The following DCAF17 variants were observed in gnomAD, a reference collection of about 807,000 sequenced individuals.
DCAF17 encodes the protein DDB1 and CUL4 associated factor 17.
A neutral mutation model predicts 66.0 loss-of-function variants in DCAF17; 48 were observed. The observed-to-expected ratio is 0.73, with a 90% confidence interval of 0.58 to 0.92. DCAF17 has a LOEUF of 0.92. Ranked by LOEUF, DCAF17 falls within the 40% of genes least tolerant of loss-of-function variation. DCAF17 has a pLI of 0.00. For missense variants in DCAF17, 562 were observed against 622.8 expected (o/e 0.90, Z 1.04); for synonymous variants, 206 against 214.6 (o/e 0.96, Z 0.35).
In DCAF17 at chr2:171,480,327, A is replaced by G; in HGVS notation, c.1422+134A>G. 1.2e-5 allele frequency: 13 copies of G among 1,112,188 alleles called. 1 individual carries two copies. The highest frequency in any genetic ancestry group is 1.4e-5 in the Non-Finnish European group (11 of 767,960). The allele number at this position is 1,112,188 out of a possible 1,614,324, so 68.9% of individuals were successfully genotyped here. ...GACCATGTGAAAGAGGTTTTGTCCT[A>G]TATACAGGACAAAAGAGTACTTCTT... On this transcript the variant is annotated intron_variant, in intron 13 of 13. Coordinates refer to ENST00000375255, the MANE Select transcript of DCAF17 (RefSeq NM_025000.4).
Position 171,443,697 on chromosome 2 carries a change from A to G in DCAF17, c.321+84A>G, listed in dbSNP as rs960185811. On this transcript the variant is annotated intron_variant, in intron 3 of 13. Transcript: ENST00000375255. ...TATTATTAACATATTGCATAAAATA[A>G]TACAACTTAAATATCATAGTGACTC... 7.4e-6 allele frequency: 8 copies of G among 1,083,256 alleles called. No individual in the cohort carries two copies. In the African/African-American group the frequency reaches 7.8e-5, roughly 11 times the overall value. The allele number at this position is 1,083,256 out of a possible 1,614,324, so 67.1% of individuals were successfully genotyped here. A position where few individuals can be genotyped will look rare whatever the true frequency, so the allele number is the denominator to read the frequency against.
intron 8 of DCAF17, among the ~76,000 whole-genome samples, chr2:171,461,835 C>G (rs1023938852): frequency 6.9e-6 from 1 of 145,208 alleles, no homozygotes; most frequent in African/African-American, 2.4e-5. Context: ...CAGCCCTAGG[C>G]AACCAGTGAT....
chr2:171,458,589 C>A, intron 8 of DCAF17, 112 bp downstream of exon 8: 1 of 816,812 alleles, frequency 1.2e-6, no homozygotes, highest in South Asian at 1.6e-5. Flanking sequence ...AAACTCAATT[C>A]ATTTTACTCC....
At chr2:171,440,203 G>C (rs1295904217) in intron 2 of DCAF17, among the ~76,000 whole-genome samples, 2 of 152,148 alleles carry the variant, frequency 1.3e-5, no homozygotes, top group Non-Finnish European at 2.9e-5. Context: ...TCTGATGTTT[G>C]TTTTGTTTCT....
intron 1 of DCAF17, 90 bp downstream of exon 1, chr2:171,434,793 C>A (rs989321722): frequency 2.2e-6 from 3 of 1,386,932 alleles, no homozygotes; most frequent in Non-Finnish European, 1.9e-6. Context: ...CGCGCTGGGG[C>A]CTCCCTTTAT....
In DCAF17 at chr2:171,482,772, A is replaced by G; in HGVS notation, c.*1658A>G. ...ACTCGTCTATTCTGAAAGGCATTTGAGAAATAGCTGAATTCCTGGCTGCTT... is the reference window on the plus strand; with the variant it reads ...ACTCGTCTATTCTGAAAGGCATTTGGGAAATAGCTGAATTCCTGGCTGCTT... On this transcript the variant is annotated 3_prime_UTR_variant, in exon 14 of 14. Transcript: ENST00000375255. 1 of 453,736 alleles carries G rather than the reference A, an allele frequency of 2.2e-6. No individual in the cohort carries two copies. The highest frequency in any genetic ancestry group is 4.4e-6 in the Non-Finnish European group (1 of 226,692). The allele number at this position is 453,736 out of a possible 1,614,324, so 28.1% of individuals were successfully genotyped here.
At chr2:171,440,067 TC>T (rs1694217671) in intron 2 of DCAF17, among the ~76,000 whole-genome samples, 1 of 152,150 alleles carries the variant, frequency 6.6e-6, no homozygotes, top group Admixed American at 6.5e-5. Flanking sequence ...ACTCCAGTGA[TC>T]CTCCTCCCTC....
At chr2:171,470,595 G>T (rs1473508450) in intron 9 of DCAF17, among the ~76,000 whole-genome samples, 1 of 152,086 alleles carries the variant, frequency 6.6e-6, no homozygotes, top group African/African-American at 2.4e-5. Flanking sequence ...TTTTATAAAG[G>T]ACTCTCTAAG....
chr2:171,437,703 C>T (rs758757734), intron 2 of DCAF17, among the ~76,000 whole-genome samples: 40 of 152,146 alleles, frequency 2.6e-4, no homozygotes, highest in Non-Finnish European at 5.0e-4. Context: ...TGAGCCTAGA[C>T]TTATTCATAA....
At chr2:171,468,362 G>A (rs1337622413) in intron 8 of DCAF17, among the ~76,000 whole-genome samples, 1 of 152,030 alleles carries the variant, frequency 6.6e-6, no homozygotes, top group East Asian at 1.9e-4. Context: ...TACATTCATT[G>A]GGACTAATAC....
chr2:171,475,641 T>C (rs1574401594), intron 10 of DCAF17, among the ~76,000 whole-genome samples: 1 of 152,282 alleles, frequency 6.6e-6, no homozygotes, highest in Non-Finnish European at 1.5e-5. Flanking sequence ...TGGGCACCTG[T>C]GGTCTTAGCT....
Position 171,473,984 on chromosome 2 carries a change from T to G in DCAF17, c.1091+9T>G, listed in dbSNP as rs751687518. On this transcript the variant is annotated intron_variant, in intron 10 of 13. Coordinates refer to ENST00000375255, the MANE Select transcript of DCAF17 (RefSeq NM_025000.4). Reference sequence around the variant, plus strand: ...GGTCCAAATCAAGTCAAGTGAGTAATCTCATTAGCACTTGAAAGTTAAGAG... The same window carrying G: ...GGTCCAAATCAAGTCAAGTGAGTAAGCTCATTAGCACTTGAAAGTTAAGAG... 2 of 1,600,604 alleles carry G rather than the reference T, an allele frequency of 1.2e-6. No individual in the cohort carries two copies. Among genetic ancestry groups the G allele is most frequent in the South Asian group, 2.2e-5 (2 of 90,736 alleles).
intron 3 of DCAF17, among the ~76,000 whole-genome samples, chr2:171,443,821 A>T: frequency 6.6e-6 from 1 of 151,808 alleles, no homozygotes; most frequent in East Asian, 1.9e-4. Context: ...GTGTTTTTAA[A>T]ATTAGATAGA....
At chr2:171,465,726 C>A (rs1484308264) in intron 8 of DCAF17, among the ~76,000 whole-genome samples, 1 of 152,176 alleles carries the variant, frequency 6.6e-6, no homozygotes, top group Non-Finnish European at 1.5e-5. Context: ...CTCAGGCAAT[C>A]TACCCACTTT....
chr2:171,449,730 T>G (rs988555115), intron 4 of DCAF17, 149 bp from the exon 5 acceptor site: 2 of 513,956 alleles, frequency 3.9e-6, no homozygotes, highest in African/African-American at 3.9e-5. Context: ...TAGAGGAAAT[T>G]TTTTTAGCTA....
At chr2:171,438,462 T>C (rs113646183) in intron 2 of DCAF17, among the ~76,000 whole-genome samples, 15 of 152,328 alleles carry the variant, frequency 9.8e-5, no homozygotes, top group African/African-American at 3.4e-4. Flanking sequence ...ATCTCTATAA[T>C]AGTGAGTGGA....
chr2:171,484,002 T>A lies in DCAF17; in HGVS notation c.*2888T>A, dbSNP rs940444681. 5.5e-5 allele frequency: 25 copies of A among 453,842 alleles called. No homozygotes were observed. Among genetic ancestry groups the A allele is most frequent in the Admixed American group, 5.4e-4 (23 of 42,554 alleles). The allele number at this position is 453,842 out of a possible 1,614,324, so 28.1% of individuals were successfully genotyped here. A position where few individuals can be genotyped will look rare whatever the true frequency, so the allele number is the denominator to read the frequency against. On this transcript the variant is annotated 3_prime_UTR_variant, in exon 14 of 14. Transcript: ENST00000375255. ...AGGAAAGTGCTTAATAATCGTTTTT[T>A]ACTGATGATTCAGTGTCTAAATTTT... is the stretch of plus-strand genomic sequence containing the variant.
chr2:171,468,162 G>A (rs1036270936), intron 8 of DCAF17, among the ~76,000 whole-genome samples: 23 of 151,990 alleles, frequency 1.5e-4, no homozygotes, highest in African/African-American at 5.3e-4. Flanking sequence ...TGTGATAAAA[G>A]AAGATGACTA....
At chr2:171,440,315 C>G (rs949079217) in intron 2 of DCAF17, among the ~76,000 whole-genome samples, 1 of 152,160 alleles carries the variant, frequency 6.6e-6, no homozygotes, top group South Asian at 2.1e-4. Flanking sequence ...GTGGCTTACT[C>G]CTGTCATCCC....
Sources: gnomAD v4.1 joint callset for allele counts (sites outside exome capture counted in the v4.1 genomes callset) on GRCh38, gnomAD v4.1.1 for gene constraint, MANE v1.5 for transcripts, NCBI Gene and HGNC (gene_info 2026-07-23, HGNC 2026-07-21) for gene names.